Variants in NPY2R observed in about 807,000 individuals in gnomAD.
NPY2R encodes neuropeptide Y receptor Y2, also known as neuropeptide Y receptor type 2.
NPY2R carries 17 observed loss-of-function variants against 22.3 expected under a neutral mutation model. That is an observed-to-expected ratio of 0.76 (90% CI 0.52 to 1.14). The LOEUF (loss-of-function observed/expected upper bound fraction) is 1.14. Ranked by LOEUF, NPY2R falls within the 50% of genes most tolerant of loss-of-function variation. The pLI is 0.00. For synonymous variants in NPY2R, 209 were observed against 183.4 expected (o/e 1.14, Z -1.13); for missense variants, 424 against 467.9 (o/e 0.91, Z 0.87).
the NPY2R span, among the ~76,000 whole-genome samples, chr4:155,198,831 A>G: frequency 6.6e-6 from 1 of 151,800 alleles, no homozygotes; most frequent in African/African-American, 2.4e-5. Context: ...CAATAAGGCC[A>G]TGTGTAGAGT....
intron 1 of NPY2R, among the ~76,000 whole-genome samples, chr4:155,210,007 G>A (rs1729370074): frequency 6.6e-6 from 1 of 152,120 alleles, no homozygotes; most frequent in Non-Finnish European, 1.5e-5. Context: ...CTATGACAAA[G>A]TTTCTAAGGA....
chr4:155,207,843 T>C (rs1037171144), upstream of NPY2R: 30 of 152,394 alleles, frequency 2.0e-4, no homozygotes, highest in African/African-American at 6.5e-4. Context: ...GAGATTGTGT[T>C]TTATTCGTGT....
chr4:155,182,732 C>T, the NPY2R span, among the ~76,000 whole-genome samples: 3 of 152,174 alleles, frequency 2.0e-5, no homozygotes, highest in Admixed American at 6.5e-5. Context: ...ACCATCTGAA[C>T]ATGGGGCACA....
At position 155,214,335 on chromosome 4, in the gene NPY2R, G is replaced by A. The variant is rs201937520; in HGVS notation, c.396G>A (p.Leu132=). Residue 132 remains leucine (L), a synonymous_variant, in exon 2 of 2, where the codon CTG becomes CTA. Transcript: ENST00000329476. ...ACCTGGTGCCCTATGCCCAGGGCCT[G>A]GCAGTACAAGTATCCACAATCACCT... is the stretch of plus-strand genomic sequence containing the variant. The part of the protein sequence containing the change: ...LCHLVPYAQG[L]AVQVSTITLT... 2.6e-5 allele frequency: 42 copies of A among 1,614,174 alleles called. No individual in the cohort carries two copies. Among genetic ancestry groups the A allele is most frequent in the Middle Eastern group, 3.3e-4 (2 of 6,062 alleles).
the NPY2R span, among the ~76,000 whole-genome samples, chr4:155,192,633 G>T: frequency 6.6e-6 from 1 of 151,870 alleles, no homozygotes; most frequent in African/African-American, 2.4e-5. Context: ...TTGCTTAACA[G>T]CTTTCAATTT....
At chr4:155,188,034 C>T in the NPY2R span, among the ~76,000 whole-genome samples, 1 of 152,238 alleles carries the variant, frequency 6.6e-6, no homozygotes, top group Admixed American at 6.5e-5. Context: ...GCGAACAATG[C>T]TTCTGAATAT....
the NPY2R span, among the ~76,000 whole-genome samples, chr4:155,179,331 G>A: frequency 6.6e-6 from 1 of 152,126 alleles, no homozygotes; most frequent in Non-Finnish European, 1.5e-5. Flanking sequence ...AGATATTGTG[G>A]ATTTTTCTTG....
At chr4:155,191,141 A>G in the NPY2R span, among the ~76,000 whole-genome samples, 2 of 151,926 alleles carry the variant, frequency 1.3e-5, no homozygotes, top group Non-Finnish European at 2.9e-5. Context: ...ACAGCAGAGA[A>G]GAGGCAGAAT....
At chr4:155,188,069 T>G in the NPY2R span, among the ~76,000 whole-genome samples, 1 of 152,104 alleles carries the variant, frequency 6.6e-6, no homozygotes, top group Admixed American at 6.6e-5. Context: ...GCCATCCACT[T>G]TTTTTTGAGG....
At chr4:155,212,684 A>G (rs1729431279) in intron 1 of NPY2R, among the ~76,000 whole-genome samples, 1 of 152,198 alleles carries the variant, frequency 6.6e-6, no homozygotes, top group African/African-American at 2.4e-5. Flanking sequence ...GATTAGAGTA[A>G]TCATGATAAG....
chr4:155,199,961 C>T, the NPY2R span, among the ~76,000 whole-genome samples: 1 of 152,132 alleles, frequency 6.6e-6, no homozygotes, highest in African/African-American at 2.4e-5. Context: ...GCAAAGACTT[C>T]CTGACGACAA....
chr4:155,199,655 G>C, the NPY2R span, among the ~76,000 whole-genome samples: 1 of 152,102 alleles, frequency 6.6e-6, no homozygotes, highest in African/African-American at 2.4e-5. Context: ...CATGGTACTT[G>C]TACCAAAACA....
At chr4:155,195,154 A>G in the NPY2R span, among the ~76,000 whole-genome samples, 1 of 151,982 alleles carries the variant, frequency 6.6e-6, no homozygotes, top group Non-Finnish European at 1.5e-5. Flanking sequence ...AATCTGTATG[A>G]GCAACAGGAA....
At chr4:155,199,497 C>A in the NPY2R span, among the ~76,000 whole-genome samples, 1 of 151,874 alleles carries the variant, frequency 6.6e-6, no homozygotes, top group Non-Finnish European at 1.5e-5. Flanking sequence ...CCATTCTTCA[C>A]AGAATTAGAA....
chr4:155,205,469 T>C (rs950748961), upstream of NPY2R, among the ~76,000 whole-genome samples: 2 of 152,192 alleles, frequency 1.3e-5, no homozygotes, highest in Admixed American at 1.3e-4. Flanking sequence ...TCACAAGTGG[T>C]CCTCAATACT....
the NPY2R span, among the ~76,000 whole-genome samples, chr4:155,182,537 A>G: frequency 6.6e-6 from 1 of 152,174 alleles, no homozygotes; most frequent in African/African-American, 2.4e-5. Flanking sequence ...GAGTCAACAG[A>G]GCGAATGATG....
At position 155,214,004 on chromosome 4, in the gene NPY2R, A is replaced by G. The variant is rs1232950419; in HGVS notation, c.65A>G (p.Tyr22Cys). 1.2e-6 allele frequency: 2 copies of G among 1,614,128 alleles called. No individual in the cohort carries two copies. ...GTGGAAGAAATGAAGGTGGAACAAT[A>G]CGGGCCACAAACAACTCCTAGAGGT... is the stretch of plus-strand genomic sequence containing the variant. The part of the protein sequence containing the change: ...QTVEEMKVEQ[Y>C]GPQTTPRGEL... Residue 22 changes from tyrosine (Y) to cysteine (C), a missense_variant, in exon 2 of 2, where the codon TAC (tyrosine) becomes TGC (cysteine). Physicochemically the swap from Tyr to Cys is radical, Grantham distance 194. Transcript: ENST00000329476.
At chr4:155,209,147 G>C (rs530565648) in intron 1 of NPY2R, 78 bp downstream of exon 1, 2 of 152,196 alleles carry the variant, frequency 1.3e-5, no homozygotes, top group African/African-American at 4.8e-5. Flanking sequence ...CTATGAAGAG[G>C]GACATGAGGA....
chr4:155,184,679 T>G, the NPY2R span, among the ~76,000 whole-genome samples: 1 of 152,162 alleles, frequency 6.6e-6, no homozygotes. Flanking sequence ...AGTCATTATT[T>G]CTTAGTGTTT....
Sources: allele counts gnomAD v4.1 joint callset (sites outside exome capture counted in the v4.1 genomes callset), GRCh38; gene constraint gnomAD v4.1.1; transcripts MANE v1.5; gene names NCBI Gene and HGNC (gene_info 2026-07-23, HGNC 2026-07-21).